The following F5 variants were observed in gnomAD, a reference collection of about 807,000 sequenced individuals.
F5 encodes activated protein c cofactor.
F5 carries 138 observed loss-of-function variants against 216.4 expected under a neutral mutation model. The ratio of observed to expected loss-of-function variants is 0.64; its 90% CI spans 0.56 to 0.73. The LOEUF (loss-of-function observed/expected upper bound fraction) is 0.73, where lower values mean the gene tolerates loss of function less well. Ranked by LOEUF, F5 falls within the 30% of genes least tolerant of loss-of-function variation. The pLI is 0.00. For missense variants in F5, 2,403 were observed against 2,674.0 expected (o/e 0.90, Z 2.24); for synonymous variants, 916 against 930.7 (o/e 0.98, Z 0.29).
chr1:169,568,476 G>A (rs9332549), intron 3 of F5, among the ~76,000 whole-genome samples: 2,723 of 152,142 alleles, frequency 0.018, 26 homozygotes, highest in Middle Eastern at 0.041. Flanking sequence ...AATACAAACA[G>A]CTATTAAGAG....
chr1:169,536,518 A>T lies in F5; in HGVS notation c.4959T>A (p.Asp1653Glu), dbSNP rs886045546. Reference protein sequence around the residue: ...ILGPIIRAEVDDVIQVRFKNL... With the variant: ...ILGPIIRAEVEDVIQVRFKNL... Reference sequence around the variant, plus strand: ...TCAAAAGACTTACTTGGATAACATCATCCACTTCAGCTCTGATAATAGGAC... The same window carrying T: ...TCAAAAGACTTACTTGGATAACATCTTCCACTTCAGCTCTGATAATAGGAC... The change falls in exon 14 of 25, where the codon GAT becomes GAA. Residue 1653 changes from aspartate (D) to glutamate (E), a missense_variant. Physicochemically the swap from Asp to Glu is conservative, Grantham distance 45. This residue lies in a region of F5 where 659 missense variants were observed against 787.9 expected (regional missense o/e 0.84). Coordinates refer to ENST00000367797, the MANE Select transcript of F5 (RefSeq NM_000130.5). The T allele has an allele frequency of 2.1e-5, 34 of 1,613,152 alleles. No individual in the cohort carries two copies. In the East Asian group the frequency reaches 7.4e-4, roughly 35 times the overall value.
intron 17 of F5, among the ~76,000 whole-genome samples, chr1:169,526,678 C>T (rs1659459631): frequency 6.6e-6 from 1 of 151,994 alleles, no homozygotes; most frequent in African/African-American, 2.4e-5. Flanking sequence ...TGAAAAATGT[C>T]TCCAGTTTTC....
chr1:169,517,020 TG>T (rs1349524969), intron 23 of F5, among the ~76,000 whole-genome samples: 2 of 152,192 alleles, frequency 1.3e-5, no homozygotes, highest in Admixed American at 1.3e-4. Context: ...GAAAAAGAAT[TG>T]GATAACATCT....
At chr1:169,559,019 G>T in intron 5 of F5, 134 bp downstream of exon 5, 5 of 862,640 alleles carry the variant, frequency 5.8e-6, no homozygotes, top group Non-Finnish European at 8.9e-6. Flanking sequence ...AAAAAAAAGA[G>T]AAAATATTTC....
intron 15 of F5, 30 bp from the exon 16 acceptor site, chr1:169,529,848 C>T: frequency 6.4e-7 from 1 of 1,573,068 alleles, no homozygotes; most frequent in South Asian, 1.1e-5. Context: ...TGTATTGCCT[C>T]TTTCTCAGGA....
chr1:169,572,550 A>G (rs752609008), intron 2 of F5, among the ~76,000 whole-genome samples: 24 of 152,190 alleles, frequency 1.6e-4, no homozygotes, highest in Non-Finnish European at 1.2e-4. Flanking sequence ...GAATGGTAGA[A>G]ACACTTGTCC....
chr1:169,520,623 A>T lies in F5; in HGVS notation c.6090T>A (p.Asn2030Lys). ...GNSDASTIKENQFDPPIVARY... is the reference protein window; with the variant it reads ...GNSDASTIKEKQFDPPIVARY... ...TAGCCACAATAGGTGGGTCAAACTG[A>T]TTCTCTTTTATTGTAGAGGCATCTG... Residue 2030 changes from asparagine to lysine, a missense_variant, in exon 22 of 25, where the codon AAT (asparagine) becomes AAA (lysine). Asn to Lys is a moderately conservative substitution (Grantham distance 94, BLOSUM62 0). Transcript: ENST00000367797. 6.2e-7 allele frequency: 1 copy of T among 1,613,912 alleles called. No individual in the cohort carries two copies. Among genetic ancestry groups the T allele is most frequent in the Non-Finnish European group, 8.5e-7 (1 of 1,179,878 alleles).
At chr1:169,559,709 G>A (rs909316956) in intron 4 of F5, among the ~76,000 whole-genome samples, 4 of 152,174 alleles carry the variant, frequency 2.6e-5, no homozygotes, top group Admixed American at 6.5e-5. Flanking sequence ...TAATTGGGTG[G>A]AAGTATCAGC....
At chr1:169,562,716 G>T in intron 3 of F5, among the ~76,000 whole-genome samples, 1 of 151,776 alleles carries the variant, frequency 6.6e-6, no homozygotes, top group South Asian at 2.1e-4. Context: ...TATTTCACTT[G>T]TAAGAACCTT....
chr1:169,573,462 G>A (rs9332517), intron 2 of F5, among the ~76,000 whole-genome samples: 8,690 of 152,272 alleles, frequency 0.057, 343 homozygotes, highest in Middle Eastern at 0.12. Flanking sequence ...AGCAGAACGT[G>A]ATGAGTAGTG....
At chr1:169,531,771 C>T (rs968633705) in intron 14 of F5, among the ~76,000 whole-genome samples, 4 of 151,904 alleles carry the variant, frequency 2.6e-5, no homozygotes, top group Non-Finnish European at 5.9e-5. Flanking sequence ...GCAGTCAGAC[C>T]CATGAAGCTC....
rs2101799963 is a variant in F5 at position 169,512,878 on chromosome 1, A to G, written c.*1435T>C. On this transcript the variant is annotated 3_prime_UTR_variant, in exon 25 of 25. Coordinates refer to ENST00000367797, the MANE Select transcript of F5 (RefSeq NM_000130.5). ...CTTATGCAGTTCCCTTCTACACTGAATCGAGACTGGCCTGTAATTTGTGTT... is the reference window on the plus strand; with the variant it reads ...CTTATGCAGTTCCCTTCTACACTGAGTCGAGACTGGCCTGTAATTTGTGTT... Among the ~76,000 whole-genome samples, 1 of 152,190 alleles carries G rather than the reference A, an allele frequency of 6.6e-6. No homozygotes were observed. The highest frequency in any genetic ancestry group is 2.1e-4 in the South Asian group (1 of 4,824).
intron 7 of F5, 78 bp downstream of exon 7, chr1:169,555,104 C>T: frequency 6.5e-7 from 1 of 1,531,046 alleles, no homozygotes; most frequent in Non-Finnish European, 9.0e-7. Context: ...TGTGAACTTA[C>T]ATTTCACCCC....
At chr1:169,551,239 A>G (rs535588357) in intron 8 of F5, among the ~76,000 whole-genome samples, 6 of 152,326 alleles carry the variant, frequency 3.9e-5, no homozygotes, top group Non-Finnish European at 8.8e-5. Flanking sequence ...ACTTGAGCTC[A>G]GGAGTTCAAG....
In F5 at chr1:169,526,001, A is replaced by G. The variant is rs751050700; in HGVS notation, c.5616T>C (p.Leu1872=). The stretch of plus-strand genomic sequence containing the variant: ...AGCCAGGTTTTGATGCCTTCATTTC[A>G]AGAGTTTTAAATGAACCTAAAATAA... The part of the protein sequence containing the change: ...WPLLPGSFKT[L]EMKASKPGWW... The change falls in exon 18 of 25, where the codon CTT becomes CTC. Residue 1872 remains leucine (L), a synonymous_variant. Coordinates refer to ENST00000367797, the MANE Select transcript of F5 (RefSeq NM_000130.5). 1 of 1,611,746 alleles carries G rather than the reference A, an allele frequency of 6.2e-7. No individual in the cohort carries two copies. Among genetic ancestry groups the G allele is most frequent in the East Asian group, 2.2e-5 (1 of 44,840 alleles).
At chr1:169,522,343 G>C (rs1659329067) in intron 21 of F5, among the ~76,000 whole-genome samples, 1 of 151,958 alleles carries the variant, frequency 6.6e-6, no homozygotes, top group Admixed American at 6.6e-5. Context: ...TATAACTGTG[G>C]TATCAAAAAC....
intron 13 of F5, among the ~76,000 whole-genome samples, chr1:169,538,415 A>G (rs1212784366): frequency 1.3e-5 from 2 of 152,206 alleles, no homozygotes; most frequent in Non-Finnish European, 2.9e-5. Flanking sequence ...TAAGATGGTG[A>G]CTGTAGTTAA....
intron 20 of F5, 146 bp from the exon 21 acceptor site, chr1:169,523,498 C>A: frequency 1.0e-6 from 1 of 953,796 alleles, no homozygotes; most frequent in South Asian, 1.5e-5. Flanking sequence ...ACATGCAATT[C>A]ATATTTGGGC....
At chr1:169,546,069 A>G (rs3766113) in intron 11 of F5, among the ~76,000 whole-genome samples, 35,288 of 151,802 alleles carry the variant, frequency 0.23, 4,169 homozygotes, top group Admixed American at 0.33. Context: ...TTTCTGTCCT[A>G]GCCATATATT....
Sources: allele counts gnomAD v4.1 joint callset (sites outside exome capture counted in the v4.1 genomes callset), GRCh38; gene constraint gnomAD v4.1.1; regional missense constraint gnomAD v4.1.1; transcripts MANE v1.5; gene names NCBI Gene and HGNC (gene_info 2026-07-23, HGNC 2026-07-21).